ATXN10: variants seen among roughly 807,000 people sequenced by gnomAD.
The protein encoded by ATXN10 is ataxin-10.
In ATXN10, 28 loss-of-function variants were observed where a neutral mutation model predicts 52.9. That is an observed-to-expected ratio of 0.53 (90% confidence interval 0.39 to 0.73). The LOEUF is 0.73. Ranked by LOEUF, ATXN10 falls within the 30% of genes least tolerant of loss-of-function variation. The probability of loss-of-function intolerance (pLI) is 0.00; values close to 1 mark genes in which losing one functional copy is unlikely to be tolerated. For missense variants in ATXN10, 565 were observed against 577.0 expected (o/e 0.98, Z 0.21); for synonymous variants, 226 against 221.5 (o/e 1.02, Z -0.18).
chr22:45,746,960 G>A (rs1245229739), intron 9 of ATXN10, among the ~76,000 whole-genome samples: 2 of 152,150 alleles, frequency 1.3e-5, no homozygotes, highest in African/African-American at 4.8e-5. Flanking sequence ...TGTGACATAT[G>A]AAACACTTTA....
In ATXN10 at chr22:45,841,912, T is replaced by A. The variant is rs1929357122; in HGVS notation, c.1238-1079T>A. 1.3e-5 allele frequency among the ~76,000 whole-genome samples: 2 copies of A among 152,210 alleles called. No individual in the cohort carries two copies. Among genetic ancestry groups the A allele is most frequent in the South Asian group, 4.1e-4 (2 of 4,830 alleles). On this transcript the variant is annotated intron_variant, in intron 10 of 11. Coordinates refer to ENST00000252934, the MANE Select transcript of ATXN10 (RefSeq NM_013236.4). The surrounding 1 kb of genome is among the most constrained non-coding windows in gnomAD (Gnocchi z 5.1). ...TCTTTAGCTCTAGGGTTTGATACCT[T>A]GTGGGGACACTGACTCCCTGGTTCT...
intron 9 of ATXN10, among the ~76,000 whole-genome samples, chr22:45,777,096 A>G (rs1050213655): frequency 6.6e-5 from 10 of 152,236 alleles, no homozygotes; most frequent in Admixed American, 6.5e-4. Flanking sequence ...AAAATAATTC[A>G]TTTGGGTTTT....
At position 45,843,392 on chromosome 22, in the gene ATXN10, A is replaced by G. The variant is rs760688665; in HGVS notation, c.1425+214A>G. ...TTTTCTTAAAAGAGGGACAATTTCA[A>G]ACTCATTCTGGGTGAGAAATACAAA... On this transcript the variant is annotated intron_variant, in intron 11 of 11. Transcript: ENST00000252934. This position sits in a 1 kb window ranked among gnomAD's most constrained non-coding sequence, Gnocchi z 4.5. Among the ~76,000 whole-genome samples, 1 of 152,244 alleles carries G rather than the reference A, an allele frequency of 6.6e-6. No individual in the cohort carries two copies. The highest frequency in any genetic ancestry group is 1.5e-5 in the Non-Finnish European group (1 of 68,036).
intron 4 of ATXN10, among the ~76,000 whole-genome samples, chr22:45,702,352 C>A (rs1036868523): frequency 3.9e-5 from 6 of 152,156 alleles, no homozygotes; most frequent in Non-Finnish European, 8.8e-5. Context: ...ATTGAGGTAT[C>A]ATTTTGTACC....
intron 9 of ATXN10, among the ~76,000 whole-genome samples, chr22:45,802,075 A>G (rs1927948621): frequency 6.6e-6 from 1 of 152,284 alleles, no homozygotes; most frequent in South Asian, 2.1e-4. Context: ...CGGAGTGCCT[A>G]CTCTGGCATT....
intron 10 of ATXN10, among the ~76,000 whole-genome samples, chr22:45,811,394 A>G (rs929083696): frequency 1.3e-5 from 2 of 152,180 alleles, no homozygotes; most frequent in African/African-American, 4.8e-5. Context: ...TATAAAGTAT[A>G]TACAGTCATG....
chr22:45,750,067 A>G lies in ATXN10; in HGVS notation c.1173+9529A>G, dbSNP rs1925890117. ...CTACTCAGTTTTCTTTACTTACGCC[A>G]TATGATCAATTTTTAGATAACAGAC... On this transcript the variant is annotated intron_variant, in intron 9 of 11. Transcript: ENST00000252934. The surrounding 1 kb of genome is among the most constrained non-coding windows in gnomAD (Gnocchi z 4.2). 1.3e-5 allele frequency among the ~76,000 whole-genome samples: 2 copies of G among 152,196 alleles called. No individual in the cohort carries two copies. The highest frequency in any genetic ancestry group is 4.1e-4 in the South Asian group (2 of 4,826).
chr22:45,798,027 G>A (rs1388785385), intron 9 of ATXN10, among the ~76,000 whole-genome samples: 3 of 152,216 alleles, frequency 2.0e-5, no homozygotes, highest in Non-Finnish European at 4.4e-5. Flanking sequence ...AATTAAATGT[G>A]TAGTTTAAAA....
rs530075410 is a variant in ATXN10 at position 45,751,454 on chromosome 22, GAGAC to G, written c.1173+10924_1173+10927del. Among the ~76,000 whole-genome samples, 833 of 149,758 alleles carry G rather than the reference GAGAC, an allele frequency of 5.6e-3. 6 individuals carry two copies. The highest frequency in any genetic ancestry group is 8.3e-3 in the Non-Finnish European group (557 of 67,278). On this transcript the variant is annotated intron_variant, in intron 9 of 11. Transcript: ENST00000252934. ...AGAGAGAGAGAGAGAGAGAGAGGAA[GAGAC>G]AGACAGAGATGGAAATATAAAGATC...
In ATXN10 at chr22:45,782,319, G is replaced by A. The variant is rs143120297; in HGVS notation, c.1174-24640G>A. On this transcript the variant is annotated intron_variant, in intron 9 of 11. Coordinates refer to ENST00000252934, the MANE Select transcript of ATXN10 (RefSeq NM_013236.4). ...CAGCTATTATATTGGTATATATCCC[G>A]TAGAAATGAGTGCTCGTGTCCACCA... Among the ~76,000 whole-genome samples, 775 of 152,274 alleles carry A rather than the reference G, an allele frequency of 5.1e-3. 22 individuals carry two copies. Among genetic ancestry groups the A allele is most frequent in the Admixed American group, 0.046 (699 of 15,288 alleles).
rs188808278 is a variant in ATXN10 at position 45,683,191 on chromosome 22, T to C, written c.117-6521T>C. 3.0e-3 allele frequency among the ~76,000 whole-genome samples: 451 copies of C among 152,322 alleles called. 2 individuals are homozygous for C. The highest frequency in any genetic ancestry group is 8.5e-3 in the South Asian group (41 of 4,828). On this transcript the variant is annotated intron_variant, in intron 1 of 11. Coordinates refer to ENST00000252934, the MANE Select transcript of ATXN10 (RefSeq NM_013236.4). This position sits in a 1 kb window ranked among gnomAD's most constrained non-coding sequence, Gnocchi z 4.8. ...AAAATTTGTTGGGCATGGTGGCACA[T>C]GCCTGAAATTCTACCTACTTGGGAG...
chr22:45,829,224 C>T lies in ATXN10; in HGVS notation c.1238-13767C>T, dbSNP rs543691054. Among the ~76,000 whole-genome samples the T allele has an allele frequency of 1.2e-3, 185 of 152,236 alleles. 1 individual carries two copies. Among genetic ancestry groups the T allele is most frequent in the African/African-American group, 4.3e-3 (178 of 41,548 alleles). On this transcript the variant is annotated intron_variant, in intron 10 of 11. Coordinates refer to ENST00000252934, the MANE Select transcript of ATXN10 (RefSeq NM_013236.4). ...AACTAGGAATATAATGAAACTGCCT[C>T]AACATAATAAAAGCCAGGAAAACCC...
Position 45,763,367 on chromosome 22 carries a change from G to A in ATXN10, c.1173+22829G>A, listed in dbSNP as rs1926467547. ...GAGTGGGAGTGAAGGTTTCGTCAAGGTTACGAAAGGCCTTTGAGTTCAAGC... is the reference window on the plus strand; with the variant it reads ...GAGTGGGAGTGAAGGTTTCGTCAAGATTACGAAAGGCCTTTGAGTTCAAGC... On this transcript the variant is annotated intron_variant, in intron 9 of 11. Transcript: ENST00000252934. The surrounding 1 kb of genome is among the most constrained non-coding windows in gnomAD (Gnocchi z 6.9). Among the ~76,000 whole-genome samples the A allele has an allele frequency of 6.6e-6, 1 of 152,194 alleles. No individual in the cohort carries two copies. The highest frequency in any genetic ancestry group is 1.5e-5 in the Non-Finnish European group (1 of 68,036).
At chr22:45,720,209 T>C (rs756752730) in intron 6 of ATXN10, among the ~76,000 whole-genome samples, 2 of 152,194 alleles carry the variant, frequency 1.3e-5, no homozygotes, top group Non-Finnish European at 2.9e-5. Context: ...TTCTCTTTTT[T>C]GTCACAGCCC....
rs1156725870 is a variant in ATXN10 at position 45,828,410 on chromosome 22, T to A, written c.1238-14581T>A. Among the ~76,000 whole-genome samples the A allele has an allele frequency of 6.6e-6, 1 of 151,800 alleles. No homozygotes were observed. Among genetic ancestry groups the A allele is most frequent in the African/African-American group, 2.4e-5 (1 of 41,318 alleles). On this transcript the variant is annotated intron_variant, in intron 10 of 11. Transcript: ENST00000252934. The surrounding 1 kb of genome is among the most constrained non-coding windows in gnomAD (Gnocchi z 4.5). ...CTAGCAAAAGGAAGATAATAAATATTAGGGCAGAGATAAAACAAACTAGAG... is the reference window on the plus strand; with the variant it reads ...CTAGCAAAAGGAAGATAATAAATATAAGGGCAGAGATAAAACAAACTAGAG...
chr22:45,793,723 T>C (rs1042853244), intron 9 of ATXN10: 3 of 1,465,482 alleles, frequency 2.0e-6, no homozygotes, highest in African/African-American at 2.9e-5. Context: ...TCTTGCCTGC[T>C]ACTGAGGAGC....
intron 1 of ATXN10, among the ~76,000 whole-genome samples, chr22:45,687,733 A>G (rs1231094941): frequency 6.6e-6 from 1 of 152,164 alleles, no homozygotes; most frequent in East Asian, 1.9e-4. Flanking sequence ...AGTGTCTACA[A>G]TATATTTGGT....
chr22:45,810,155 C>A (rs976906300), intron 10 of ATXN10, among the ~76,000 whole-genome samples: 1 of 152,118 alleles, frequency 6.6e-6, no homozygotes, highest in Non-Finnish European at 1.5e-5. Flanking sequence ...ATTGTCTTGG[C>A]CCTAGTTACT....
chr22:45,689,641 G>A (rs1389558374), intron 1 of ATXN10, 71 bp from the exon 2 acceptor site: 1 of 1,451,178 alleles, frequency 6.9e-7, no homozygotes, highest in African/African-American at 1.4e-5. Context: ...GATAAAAGCA[G>A]TTTTCTGAAT....
Sources: allele counts gnomAD v4.1 joint callset (sites outside exome capture counted in the v4.1 genomes callset), GRCh38; gene constraint gnomAD v4.1.1; non-coding constraint Gnocchi (gnomAD v3.1); transcripts MANE v1.5; gene names NCBI Gene and HGNC (gene_info 2026-07-23, HGNC 2026-07-21).